BLOC1S3: variants seen among roughly 807,000 people sequenced by gnomAD.
BLOC1S3 encodes the protein biogenesis of lysosomal organelles complex 1 subunit 3.
BLOC1S3 carries 7 observed loss-of-function variants against 9.1 expected under a neutral mutation model. The observed-to-expected ratio is 0.77, with a 90% CI of 0.44 to 1.45. BLOC1S3 has a LOEUF of 1.45. Ranked by LOEUF, BLOC1S3 falls within the 40% of genes most tolerant of loss-of-function variation. The pLI, the probability that BLOC1S3 is intolerant of heterozygous loss-of-function variation, is 0.01. For synonymous variants in BLOC1S3, 145 were observed against 158.4 expected (o/e 0.92, Z 0.64); for missense variants, 307 against 315.2 (o/e 0.97, Z 0.20).
intron 2 of BLOC1S3, among the ~76,000 whole-genome samples, chr19:45,201,818 T>C (rs1467603806): frequency 6.6e-6 from 1 of 152,112 alleles, no homozygotes; most frequent in Admixed American, 6.6e-5. Flanking sequence ...ATGGGGGCAG[T>C]TTCCCCCATA....
At chr19:45,204,167 C>T (rs1050833702) in intron 3 of BLOC1S3, among the ~76,000 whole-genome samples, 1 of 149,758 alleles carries the variant, frequency 6.7e-6, no homozygotes. Context: ...CTACCACACC[C>T]GGCTGATTTT....
In BLOC1S3 at chr19:45,179,949, C is replaced by T. The variant is rs1969491866; in HGVS notation, c.*44C>T. Reference sequence around the variant, plus strand: ...ACCTGACTGCAATTTGGGGGTAGGCCTTGCTGCCTCTGGGACCTGACTCTG... The same window carrying T: ...ACCTGACTGCAATTTGGGGGTAGGCTTTGCTGCCTCTGGGACCTGACTCTG... On this transcript the variant is annotated 3_prime_UTR_variant, in exon 2 of 2. Transcript: ENST00000433642. This position sits in a 1 kb window ranked among gnomAD's most constrained non-coding sequence, Gnocchi z 4.6. 6.3e-7 allele frequency: 1 copy of T among 1,586,924 alleles called. No individual in the cohort carries two copies. Among genetic ancestry groups the T allele is most frequent in the African/African-American group, 1.4e-5 (1 of 72,338 alleles).
At position 45,179,822 on chromosome 19, in the gene BLOC1S3, A is replaced by G. The variant is rs1969488149; in HGVS notation, c.526A>G (p.Ile176Val). 2 of 1,608,444 alleles carry G rather than the reference A, an allele frequency of 1.2e-6. No individual in the cohort carries two copies. Among genetic ancestry groups the G allele is most frequent in the East Asian group, 2.3e-5 (1 of 44,370 alleles). Residue 176 changes from isoleucine (I) to valine (V), a missense_variant, in exon 2 of 2, where the codon ATC (isoleucine) becomes GTC (valine). Transcript: ENST00000433642. This position sits in a 1 kb window ranked among gnomAD's most constrained non-coding sequence, Gnocchi z 4.6. ...DLCALAERLD[I>V]VAGCRLLPDI... The stretch of plus-strand genomic sequence containing the variant: ...TTGTGCGCTGGCCGAGCGTCTGGAC[A>G]TCGTGGCTGGCTGCCGCCTGCTGCC...
intron 3 of BLOC1S3, among the ~76,000 whole-genome samples, chr19:45,214,416 G>GGTGGT (rs1969811857): frequency 1.3e-5 from 2 of 152,150 alleles, no homozygotes; most frequent in African/African-American, 2.4e-5. Context: ...ACTGTCACAT[G>GGTGGT]GTGGTGTGGT....
intron 3 of BLOC1S3, among the ~76,000 whole-genome samples, chr19:45,214,935 C>T (rs1335938555): frequency 2.0e-5 from 3 of 151,994 alleles, no homozygotes. Flanking sequence ...GCAGGCGGAT[C>T]ACCTGAAGTC....
At chr19:45,215,962 A>G in intron 3 of BLOC1S3, 1 of 1,471,344 alleles carries the variant, frequency 6.8e-7, no homozygotes, top group Non-Finnish European at 9.1e-7. Flanking sequence ...GCCGTCAGAC[A>G]CGCTCACCGG....
chr19:45,183,390 C>T (rs1416111143), downstream of BLOC1S3, among the ~76,000 whole-genome samples: 7 of 151,214 alleles, frequency 4.6e-5, no homozygotes, highest in Non-Finnish European at 7.4e-5. Flanking sequence ...GCAGGAGAAT[C>T]GCTTGAACCC....
intron 2 of BLOC1S3, among the ~76,000 whole-genome samples, chr19:45,190,037 A>G (rs551461653): frequency 9.2e-5 from 14 of 151,616 alleles, no homozygotes; most frequent in African/African-American, 3.4e-4. Context: ...TAAGATAGAG[A>G]AAGGGGTCTT....
At position 45,179,566 on chromosome 19, in the gene BLOC1S3, G is replaced by A. The variant is rs758506; in HGVS notation, c.270G>A (p.Ala90=). 0.12 allele frequency: 177,670 copies of A among 1,515,430 alleles called. 11,253 individuals carry two copies. The highest frequency in any genetic ancestry group is 0.21 in the African/African-American group (14,599 of 69,912). 93.9% of individuals were successfully genotyped at this position (1,515,430 alleles called of 1,614,324 possible). Residue 90 remains alanine, a synonymous_variant, in exon 2 of 2, where the codon GCG becomes GCA. Transcript: ENST00000433642. This position sits in a 1 kb window ranked among gnomAD's most constrained non-coding sequence, Gnocchi z 4.6. ...CACTCGTGGTGCAGCGGGAATCGGC[G>A]GAGGAGGCCTGGGGCACGGAGGAGG... ...LPPLVVQRES[A]EEAWGTEEAP...
At chr19:45,196,503 G>T (rs1969649519) in intron 2 of BLOC1S3, among the ~76,000 whole-genome samples, 1 of 152,168 alleles carries the variant, frequency 6.6e-6, no homozygotes, top group African/African-American at 2.4e-5. Flanking sequence ...CAAGGAGGAG[G>T]TGCTAGGGGA....
chr19:45,187,014 C>G (rs927106429), upstream of BLOC1S3, among the ~76,000 whole-genome samples: 2 of 152,146 alleles, frequency 1.3e-5, no homozygotes, highest in East Asian at 3.9e-4. Flanking sequence ...ATGAATGAAT[C>G]CCCTGCAGCT....
At chr19:45,207,555 CAAAAA>C (rs58164218) in intron 3 of BLOC1S3, among the ~76,000 whole-genome samples, 856 of 64,552 alleles carry the variant, frequency 0.013, 10 homozygotes, top group African/African-American at 0.035. Flanking sequence ...GACTCTGTCT[CAAAAA>C]AAAAAAAAAA....
chr19:45,182,974 G>A (rs1193196185), downstream of BLOC1S3, among the ~76,000 whole-genome samples: 1 of 152,198 alleles, frequency 6.6e-6, no homozygotes, highest in Admixed American at 6.5e-5. Context: ...GAAGGTGGAA[G>A]TAGGTGAAAT....
rs1222875084 is a variant in BLOC1S3 at position 45,179,473 on chromosome 19, A to G, written c.177A>G (p.Glu59=). The G allele has an allele frequency of 6.6e-6, 10 of 1,523,168 alleles. No homozygotes were observed. The highest frequency in any genetic ancestry group is 8.8e-6 in the Non-Finnish European group (10 of 1,141,612). The allele number at this position is 1,523,168 out of a possible 1,614,324, so 94.4% of individuals were successfully genotyped here. ...CCACGGGGCTGCGGGTGGCTGGGGA[A>G]GCCGCGGAGACCGACTCGGAGCCGG... is the stretch of plus-strand genomic sequence containing the variant. ...GRPTGLRVAG[E]AAETDSEPEP... The change falls in exon 2 of 2, where the codon GAA becomes GAG. Residue 59 remains glutamate, a synonymous_variant. Transcript: ENST00000433642. The surrounding 1 kb of genome is among the most constrained non-coding windows in gnomAD (Gnocchi z 4.6).
At chr19:45,183,937 G>A (rs1458821133), downstream of BLOC1S3, among the ~76,000 whole-genome samples, 1 of 151,974 alleles carries the variant, frequency 6.6e-6, no homozygotes, top group Non-Finnish European at 1.5e-5. Flanking sequence ...ACCTGGTCAG[G>A]ACTTCCCTTT....
At chr19:45,213,502 C>T (rs1969801510) in intron 3 of BLOC1S3, 5 of 851,242 alleles carry the variant, frequency 5.9e-6, no homozygotes, top group Middle Eastern at 5.3e-4. Context: ...AGAGCCTTCC[C>T]TCCAATCAGC....
intron 3 of BLOC1S3, chr19:45,213,055 C>A: frequency 6.8e-7 from 1 of 1,469,634 alleles, no homozygotes; most frequent in Non-Finnish European, 9.0e-7. Context: ...CTAAGGCCGG[C>A]GGTTGGGTGA....
At chr19:45,198,406 C>T (rs886609325) in intron 2 of BLOC1S3, among the ~76,000 whole-genome samples, 31 of 152,168 alleles carry the variant, frequency 2.0e-4, no homozygotes, top group African/African-American at 6.0e-4. Context: ...ATTCTCCTGC[C>T]TCAGCCTCCC....
downstream of BLOC1S3, among the ~76,000 whole-genome samples, chr19:45,186,324 A>ATAT (rs372960041): frequency 1.5e-3 from 223 of 152,080 alleles, no homozygotes; most frequent in Middle Eastern, 3.4e-3. Context: ...GCCAAATCGT[A>ATAT]TATTATTATT....
Sources: gnomAD v4.1 joint callset for allele counts (sites outside exome capture counted in the v4.1 genomes callset) on GRCh38, gnomAD v4.1.1 for gene constraint, Gnocchi (gnomAD v3.1) non-coding constraint, MANE v1.5 for transcripts, NCBI Gene and HGNC (gene_info 2026-07-23, HGNC 2026-07-21) for gene names.